MACROD2: variants seen among roughly 807,000 people sequenced by gnomAD.
The protein encoded by MACROD2 is ADP-ribose glycohydrolase MACROD2.
Under a neutral mutation model 70.4 loss-of-function variants are expected in MACROD2, and 36 were observed. The ratio of observed to expected loss-of-function variants is 0.51; its 90% CI spans 0.39 to 0.68. The LOEUF is 0.68. Ranked by LOEUF, MACROD2 falls within the 30% of genes least tolerant of loss-of-function variation. MACROD2 has a pLI of 0.00. For synonymous variants in MACROD2, 172 were observed against 178.8 expected (o/e 0.96, Z 0.30); for missense variants, 496 against 538.4 (o/e 0.92, Z 0.78).
chr20:15,770,234 G>A (rs1468378019), intron 8 of MACROD2, among the ~76,000 whole-genome samples: 1 of 150,644 alleles, frequency 6.6e-6, no homozygotes, highest in Non-Finnish European at 1.5e-5. Context: ...ATCCAGCCTT[G>A]CCCACAAATT....
intron 5 of MACROD2, among the ~76,000 whole-genome samples, chr20:15,056,692 A>G (rs1044226492): frequency 1.3e-5 from 2 of 152,212 alleles, no homozygotes; most frequent in Non-Finnish European, 2.9e-5. Flanking sequence ...AATCATGGTT[A>G]TAGGACAAAA....
At chr20:15,511,461 G>A (rs6131677) in intron 8 of MACROD2, among the ~76,000 whole-genome samples, 52,791 of 151,856 alleles carry the variant, frequency 0.35, 9,952 homozygotes, top group East Asian at 0.44. Context: ...TTTAAAAAAA[G>A]GCCCAGCAAT....
intron 5 of MACROD2, among the ~76,000 whole-genome samples, chr20:14,861,783 G>C (rs1286163210): frequency 6.7e-6 from 1 of 149,270 alleles, no homozygotes; most frequent in Non-Finnish European, 1.5e-5. Context: ...ATGACCTCCC[G>C]AAGGGCTAAC....
intron 11 of MACROD2, among the ~76,000 whole-genome samples, chr20:15,935,768 G>C (rs1279215545): frequency 2.6e-5 from 4 of 152,144 alleles, no homozygotes; most frequent in African/African-American, 9.7e-5. Flanking sequence ...CAACATCTCT[G>C]TTTCTTTGAA....
chr20:15,367,027 C>T (rs939501933), intron 6 of MACROD2, among the ~76,000 whole-genome samples: 4 of 142,900 alleles, frequency 2.8e-5, no homozygotes, highest in East Asian at 2.1e-4. Flanking sequence ...TTTAAAATTA[C>T]TGATTTTTTT....
chr20:15,590,989 G>GA (rs2048671822), intron 8 of MACROD2, among the ~76,000 whole-genome samples: 2 of 149,208 alleles, frequency 1.3e-5, no homozygotes, highest in Admixed American at 6.8e-5. Context: ...GAAAAGAAGA[G>GA]AGAGAGAGAC....
intron 3 of MACROD2, among the ~76,000 whole-genome samples, chr20:14,305,542 A>G (rs1410905490): frequency 6.6e-6 from 1 of 152,054 alleles, no homozygotes; most frequent in Non-Finnish European, 1.5e-5. Flanking sequence ...TGGTTACTCT[A>G]TTTCTTGATT....
intron 5 of MACROD2, among the ~76,000 whole-genome samples, chr20:15,214,899 T>A (rs926625223): frequency 1.3e-5 from 2 of 152,192 alleles, no homozygotes; most frequent in Non-Finnish European, 2.9e-5. Context: ...AGCTGCCTAA[T>A]GTGTTTCTGC....
chr20:16,042,155 C>T (rs2147613419), intron 16 of MACROD2, among the ~76,000 whole-genome samples: 1 of 152,082 alleles, frequency 6.6e-6, no homozygotes, highest in African/African-American at 2.4e-5. Flanking sequence ...ATTCCTTGTT[C>T]CCACCGGCTT....
At chr20:14,344,204 G>T (rs1276154881) in intron 3 of MACROD2, among the ~76,000 whole-genome samples, 2 of 152,108 alleles carry the variant, frequency 1.3e-5, no homozygotes, top group African/African-American at 2.4e-5. Flanking sequence ...CCCTTCATTG[G>T]CACTGTCTGC....
chr20:14,982,704 A>G (rs535147927), intron 5 of MACROD2, among the ~76,000 whole-genome samples: 1 of 152,362 alleles, frequency 6.6e-6, no homozygotes, highest in African/African-American at 2.4e-5. Flanking sequence ...GGGAACCTCC[A>G]ACTAGATTTC....
chr20:15,638,330 G>GT (rs1388598503), intron 8 of MACROD2, among the ~76,000 whole-genome samples: 5 of 152,150 alleles, frequency 3.3e-5, no homozygotes, highest in South Asian at 4.1e-4. Context: ...CCAGTGTTGG[G>GT]TTTTTTTGTT....
At chr20:14,990,026 G>A (rs569089766) in intron 5 of MACROD2, among the ~76,000 whole-genome samples, 1 of 152,204 alleles carries the variant, frequency 6.6e-6, no homozygotes, top group Non-Finnish European at 1.5e-5. Flanking sequence ...CTCTAAAATG[G>A]TCCTGAGGAT....
chr20:14,638,691 C>T (rs1393261090), intron 4 of MACROD2, among the ~76,000 whole-genome samples: 1 of 152,152 alleles, frequency 6.6e-6, no homozygotes, highest in African/African-American at 2.4e-5. Flanking sequence ...TGGCTCACAC[C>T]TGTAATCCCA....
At chr20:14,871,057 A>G (rs140677499) in intron 5 of MACROD2, among the ~76,000 whole-genome samples, 1 of 152,184 alleles carries the variant, frequency 6.6e-6, no homozygotes, top group Non-Finnish European at 1.5e-5. Context: ...GTATACTTGA[A>G]AGAGATAGGG....
intron 7 of MACROD2, among the ~76,000 whole-genome samples, chr20:15,499,133 A>G (rs1389073373): frequency 2.6e-5 from 4 of 152,220 alleles, no homozygotes; most frequent in Admixed American, 1.3e-4. Context: ...GGAGACTCTG[A>G]GCATGTACGC....
At chr20:15,218,701 G>C (rs1423916602) in intron 5 of MACROD2, among the ~76,000 whole-genome samples, 1 of 152,068 alleles carries the variant, frequency 6.6e-6, no homozygotes, top group Non-Finnish European at 1.5e-5. Flanking sequence ...GAAATACCCC[G>C]ATTATCTCAA....
At chr20:15,977,019 T>G (rs1370277822) in intron 13 of MACROD2, among the ~76,000 whole-genome samples, 1 of 152,188 alleles carries the variant, frequency 6.6e-6, no homozygotes, top group Admixed American at 6.5e-5. Context: ...CATTCTTGAT[T>G]GAATTCCTCT....
chr20:15,618,464 C>T (rs992882200), intron 8 of MACROD2, among the ~76,000 whole-genome samples: 1 of 152,084 alleles, frequency 6.6e-6, no homozygotes, highest in Non-Finnish European at 1.5e-5. Flanking sequence ...TAAGAAGGAC[C>T]GTCAGGAATG....
Sources: gnomAD v4.1 joint callset for allele counts (sites outside exome capture counted in the v4.1 genomes callset) on GRCh38, gnomAD v4.1.1 for gene constraint, MANE v1.5 for transcripts, NCBI Gene and HGNC (gene_info 2026-07-23, HGNC 2026-07-21) for gene names.